The following RFX3 variants were observed in gnomAD, a reference collection of about 807,000 sequenced individuals.
RFX3 encodes the protein transcription factor RFX3.
RFX3 carries 14 observed loss-of-function variants against 98.6 expected under a neutral mutation model. The ratio of observed to expected loss-of-function variants is 0.14; its 90% CI spans 0.09 to 0.22. The LOEUF (loss-of-function observed/expected upper bound fraction) is 0.22. Among genes scored for constraint, RFX3 ranks in the 10% least tolerant of loss-of-function variants. RFX3 has a pLI of 1.00. For missense variants in RFX3, 639 were observed against 926.9 expected, an observed-to-expected ratio of 0.69 and a Z score of 4.03; for synonymous variants, 383 against 328.4, an observed-to-expected ratio of 1.17 and a Z score of -1.80.
At chr9:3,238,813 C>A (rs1404660678) in intron 15 of RFX3, among the ~76,000 whole-genome samples, 2 of 152,074 alleles carry the variant, frequency 1.3e-5, no homozygotes, top group Non-Finnish European at 2.9e-5. Flanking sequence ...CATGGAGAAA[C>A]CCCGTCTCTA....
intron 1 of RFX3, among the ~76,000 whole-genome samples, chr9:3,448,369 G>A (rs770235707): frequency 1.3e-5 from 2 of 152,100 alleles, no homozygotes; most frequent in African/African-American, 2.4e-5. Context: ...GTGTTAAGCG[G>A]TAATTAAAAG....
intron 4 of RFX3, among the ~76,000 whole-genome samples, chr9:3,313,755 G>C (rs1160878808): frequency 1.3e-5 from 2 of 152,222 alleles, no homozygotes; most frequent in Non-Finnish European, 2.9e-5. Context: ...ATTTGATTAA[G>C]TGGAAGAAAG....
At chr9:3,291,907 A>G (rs913365025) in intron 6 of RFX3, among the ~76,000 whole-genome samples, 3 of 151,752 alleles carry the variant, frequency 2.0e-5, no homozygotes, top group African/African-American at 4.8e-5. Context: ...AAATACAATA[A>G]TTAGCTGGAC....
chr9:3,503,129 A>T (rs1816227563), intron 1 of RFX3, among the ~76,000 whole-genome samples: 1 of 152,186 alleles, frequency 6.6e-6, no homozygotes, highest in African/African-American at 2.4e-5. Context: ...TTTTAATGTC[A>T]GAAATAACCA....
At chr9:3,383,404 T>C (rs1839396710) in intron 2 of RFX3, among the ~76,000 whole-genome samples, 1 of 152,172 alleles carries the variant, frequency 6.6e-6, no homozygotes, top group Non-Finnish European at 1.5e-5. Context: ...TTCTTTACCA[T>C]GGGGTTGCCA....
intron 4 of RFX3, among the ~76,000 whole-genome samples, chr9:3,312,257 T>C (rs948285230): frequency 6.6e-6 from 1 of 152,196 alleles, no homozygotes; most frequent in Non-Finnish European, 1.5e-5. Context: ...TGAGTGAGTA[T>C]TGGGCCACAA....
In RFX3 at chr9:3,362,820, A is replaced by C. The variant is rs370744089; in HGVS notation, c.118-16056T>G. 6.4e-4 allele frequency among the ~76,000 whole-genome samples: 98 copies of C among 152,344 alleles called. 2 individuals carry two copies. In the South Asian group the frequency reaches 0.017, roughly 27 times the overall value. ...TTTATTTCTCCCAAAATAGACTGGC[A>C]TCAAAGAGCAGAAGCTACTTGGAAG... On this transcript the variant is annotated intron_variant, in intron 2 of 16. Coordinates refer to ENST00000617270, the MANE Select transcript of RFX3 (RefSeq NM_001282116.2).
intron 2 of RFX3, among the ~76,000 whole-genome samples, chr9:3,357,598 G>A (rs1254577542): frequency 2.6e-5 from 4 of 151,962 alleles, no homozygotes; most frequent in African/African-American, 9.7e-5. Context: ...GAAGGGAAAT[G>A]AGGAAGGGAG....
At chr9:3,288,041 T>C (rs1178382694) in intron 7 of RFX3, 90 bp downstream of exon 7, 1 of 1,214,880 alleles carries the variant, frequency 8.2e-7, no homozygotes, top group East Asian at 2.4e-5. Context: ...GAACGTTCTT[T>C]TATACTTAGG....
intron 1 of RFX3, among the ~76,000 whole-genome samples, chr9:3,430,289 C>T (rs941480152): frequency 2.2e-4 from 33 of 152,174 alleles, no homozygotes; most frequent in African/African-American, 7.7e-4. Flanking sequence ...CCATCAATCT[C>T]CTTAAATCTC....
intron 5 of RFX3, among the ~76,000 whole-genome samples, chr9:3,296,325 C>A (rs1827981767): frequency 6.6e-6 from 1 of 151,736 alleles, no homozygotes; most frequent in African/African-American, 2.4e-5. Flanking sequence ...ACTTAGAAGC[C>A]TAAATGATAT....
chr9:3,371,419 A>C (rs1232110101), intron 2 of RFX3, among the ~76,000 whole-genome samples: 1 of 152,208 alleles, frequency 6.6e-6, no homozygotes, highest in East Asian at 1.9e-4. Flanking sequence ...CAGCTCTAAA[A>C]TATATTACAA....
intron 2 of RFX3, among the ~76,000 whole-genome samples, chr9:3,389,877 T>G (rs1840116611): frequency 6.6e-6 from 1 of 152,178 alleles, no homozygotes; most frequent in Non-Finnish European, 1.5e-5. Flanking sequence ...GTAAGTAATA[T>G]TCGCCCTGTA....
chr9:3,288,556 T>C (rs939125201), intron 6 of RFX3, among the ~76,000 whole-genome samples: 4 of 152,078 alleles, frequency 2.6e-5, no homozygotes, highest in African/African-American at 7.2e-5. Context: ...TTTTCAAATT[T>C]CTATTTTAAA....
chr9:3,227,719 C>T (rs909120904), intron 16 of RFX3, among the ~76,000 whole-genome samples: 4 of 152,142 alleles, frequency 2.6e-5, no homozygotes, highest in African/African-American at 9.7e-5. Flanking sequence ...TATCAATTAC[C>T]ACCTTTCTTG....
intron 2 of RFX3, among the ~76,000 whole-genome samples, chr9:3,359,225 A>G (rs1836133379): frequency 6.6e-6 from 1 of 152,116 alleles, no homozygotes; most frequent in African/African-American, 2.4e-5. Context: ...GACAATGAAA[A>G]GAGGAACCAA....
At chr9:3,463,864 C>G (rs1847952941) in intron 1 of RFX3, among the ~76,000 whole-genome samples, 1 of 152,010 alleles carries the variant, frequency 6.6e-6, no homozygotes, top group Admixed American at 6.6e-5. Flanking sequence ...GTCCCAGCTC[C>G]TCAGAGGGTG....
Position 3,270,883 on chromosome 9 carries a change from A to T in RFX3, c.1202+120T>A, listed in dbSNP as rs956515220. Reference sequence around the variant, plus strand: ...GGTTTATTTCTAGGATGGCCAAAACATCAATCTATTCAATTAATGTCATCA... The same window carrying T: ...GGTTTATTTCTAGGATGGCCAAAACTTCAATCTATTCAATTAATGTCATCA... On this transcript the variant is annotated intron_variant, in intron 10 of 16. Coordinates refer to ENST00000617270, the MANE Select transcript of RFX3 (RefSeq NM_001282116.2). The T allele has an allele frequency of 3.5e-6, 5 of 1,423,740 alleles. No individual in the cohort carries two copies. The African/African-American group carries it at 4.3e-5, about 12-fold the overall frequency. 88.2% of individuals were successfully genotyped at this position (1,423,740 alleles called of 1,614,324 possible).
At chr9:3,456,125 T>C (rs968774136) in intron 1 of RFX3, among the ~76,000 whole-genome samples, 3 of 152,194 alleles carry the variant, frequency 2.0e-5, no homozygotes, top group African/African-American at 4.8e-5. Context: ...TTTACTCCCA[T>C]TCACAAGGGA....
Sources: gnomAD v4.1 joint callset for allele counts (sites outside exome capture counted in the v4.1 genomes callset) on GRCh38, gnomAD v4.1.1 for gene constraint, MANE v1.5 for transcripts, NCBI Gene and HGNC (gene_info 2026-07-23, HGNC 2026-07-21) for gene names.